Variants in NUP188 observed in about 807,000 individuals in gnomAD.
NUP188 encodes nucleoporin 188.
In NUP188, 97 loss-of-function variants were observed where a neutral mutation model predicts 223.0. The ratio of observed to expected loss-of-function variants is 0.43; its 90% CI spans 0.37 to 0.51. NUP188 has a LOEUF of 0.51. Ranked by LOEUF, NUP188 falls within the 20% of genes least tolerant of loss-of-function variation. The pLI is 0.00. For missense variants in NUP188, 1,947 were observed against 2,175.6 expected (o/e 0.89, Z 2.09); for synonymous variants, 869 against 828.0 (o/e 1.05, Z -0.85).
chr9:129,001,480 C>A (rs1437170000), intron 34 of NUP188, 49 bp from the exon 35 acceptor site: 1 of 1,578,882 alleles, frequency 6.3e-7, no homozygotes. Flanking sequence ...TCGTCCTCTT[C>A]CTCCTCCTCT....
At chr9:128,987,907 C>T in intron 23 of NUP188, 140 bp from the exon 24 acceptor site, 1 of 1,173,374 alleles carries the variant, frequency 8.5e-7, no homozygotes, top group South Asian at 1.4e-5. Context: ...TACTCCTCCT[C>T]TCTCCTAGTT....
intron 28 of NUP188, 30 bp from the exon 29 acceptor site, chr9:128,994,826 T>A (rs774570938): frequency 6.3e-7 from 1 of 1,581,008 alleles, no homozygotes; most frequent in South Asian, 1.1e-5. Flanking sequence ...ATCAGAGATG[T>A]GATAATTGCC....
Position 128,947,751 on chromosome 9 carries a change from G to A in NUP188, c.32G>A (p.Arg11Lys), listed in dbSNP as rs35093814. The part of the protein sequence containing the change: MAAAAGGPCV[R>K]SSRELWTILL... ...GCGGCCGCCGGCGGGCCGTGTGTGA[G>A]GTGCGGAGCGGGTCGAATGGACCGG... Residue 11 changes from arginine to lysine, a missense_variant and splice_region_variant, in exon 1 of 44, where the codon AGG becomes AAG. Coordinates refer to ENST00000372577, the MANE Select transcript of NUP188 (RefSeq NM_015354.3). 8 of 1,463,408 alleles carry A rather than the reference G, an allele frequency of 5.5e-6. No homozygotes were observed. Among genetic ancestry groups the A allele is most frequent in the African/African-American group, 1.5e-5 (1 of 68,768 alleles). 90.7% of individuals were successfully genotyped at this position (1,463,408 alleles called of 1,614,324 possible).
intron 19 of NUP188, among the ~76,000 whole-genome samples, chr9:128,983,753 C>T (rs1040033638): frequency 2.6e-5 from 4 of 152,098 alleles, no homozygotes; most frequent in Non-Finnish European, 5.9e-5. Flanking sequence ...TTTCAGCCTC[C>T]CGAGTAGCTG....
chr9:128,969,030 C>T (rs1353245394), intron 9 of NUP188, among the ~76,000 whole-genome samples: 2 of 152,184 alleles, frequency 1.3e-5, no homozygotes, highest in Non-Finnish European at 2.9e-5. Flanking sequence ...ATAAATAAGG[C>T]ATATATGCTT....
At chr9:128,947,797 T>A in intron 1 of NUP188, 46 bp downstream of exon 1, 1 of 1,350,832 alleles carries the variant, frequency 7.4e-7, no homozygotes, top group Non-Finnish European at 9.5e-7. Flanking sequence ...AAGCGCGGTG[T>A]CAAAGCCGAG....
chr9:128,986,754 G>GAT, intron 21 of NUP188, 55 bp from the exon 22 acceptor site: 1 of 1,613,210 alleles, frequency 6.2e-7, no homozygotes, highest in Non-Finnish European at 8.5e-7. Flanking sequence ...CCTTTCTTGA[G>GAT]ATAAGGGGTC....
intron 25 of NUP188, chr9:128,992,993 T>C: frequency 5.2e-6 from 3 of 578,598 alleles, no homozygotes; most frequent in Non-Finnish European, 6.2e-6. Flanking sequence ...GTTGAGCATT[T>C]CTTTATACTG....
At position 128,993,311 on chromosome 9, in the gene NUP188, C is replaced by CT. The variant is rs1842462331; in HGVS notation, c.2756dup (p.Glu920ArgfsTer23). The stretch of plus-strand genomic sequence containing the variant: ...GGACATGCGCATCAAAGTCATGATT[C>CT]TAGAGTTCCTCACTGTTGCAGTAGA... On this transcript the variant is annotated frameshift_variant, in exon 26 of 44. Coordinates refer to ENST00000372577, the MANE Select transcript of NUP188 (RefSeq NM_015354.3). LOFTEE classifies it high-confidence loss of function. 6.2e-7 allele frequency: 1 copy of CT among 1,614,060 alleles called. No individual in the cohort carries two copies. Among genetic ancestry groups the CT allele is most frequent in the African/African-American group, 1.3e-5 (1 of 74,934 alleles).
intron 32 of NUP188, among the ~76,000 whole-genome samples, chr9:128,998,918 G>A (rs150638270): frequency 0.019 from 2,852 of 149,370 alleles, 76 homozygotes; most frequent in African/African-American, 0.061. Flanking sequence ...GTGCAGTGGC[G>A]CGATCTCGGC....
chr9:128,951,145 C>G (rs1451240860), intron 2 of NUP188, among the ~76,000 whole-genome samples: 1 of 151,952 alleles, frequency 6.6e-6, no homozygotes, highest in Non-Finnish European at 1.5e-5. Context: ...CCCGTCTCTA[C>G]TAAAAATACA....
chr9:128,953,105 C>G (rs1043562227), intron 3 of NUP188, among the ~76,000 whole-genome samples: 1 of 152,062 alleles, frequency 6.6e-6, no homozygotes, highest in Non-Finnish European at 1.5e-5. Flanking sequence ...AAACATTCAA[C>G]GAATTTTCTA....
At chr9:128,997,305 T>G (rs1842545096) in intron 30 of NUP188, among the ~76,000 whole-genome samples, 1 of 152,176 alleles carries the variant, frequency 6.6e-6, no homozygotes, top group South Asian at 2.1e-4. Flanking sequence ...CTACATCAGT[T>G]GGACCAGATC....
At position 128,999,618 on chromosome 9, in the gene NUP188, C is replaced by G. The variant is rs868523751; in HGVS notation, c.3662-6C>G. On this transcript the variant is annotated splice_region_variant and splice_polypyrimidine_tract_variant and intron_variant, in intron 33 of 43. Coordinates refer to ENST00000372577, the MANE Select transcript of NUP188 (RefSeq NM_015354.3). ...ATGACAGTGTCCCTCCCTGTCTATT[C>G]TACAGTAAGTGACATCCCCCAGTAC... The G allele has an allele frequency of 9.3e-6, 15 of 1,612,930 alleles. No homozygotes were observed. The highest frequency in any genetic ancestry group is 1.6e-4 in the Middle Eastern group (1 of 6,084).
At chr9:128,983,102 T>C (rs1842280378) in intron 17 of NUP188, 74 bp downstream of exon 17, 8 of 1,581,338 alleles carry the variant, frequency 5.1e-6, no homozygotes, top group Non-Finnish European at 6.9e-6. Flanking sequence ...TGCAGGAACC[T>C]GGACACATAC....
chr9:128,993,604 G>A lies in NUP188; in HGVS notation c.2927G>A (p.Cys976Tyr), dbSNP rs1180416325. The change falls in exon 27 of 44, where the codon TGC becomes TAC. Residue 976 changes from cysteine (C) to tyrosine (Y), a missense_variant. Around this residue, in one of 3 missense-constraint regions of NUP188, gnomAD observed 905 missense variants for 990.6 expected, o/e 0.91. Transcript: ENST00000372577. ...TCCCAACAGCAAGATCGATACTGGTGCCCACCCCTGCTGCATCGTGCCGCC... is the reference window on the plus strand; with the variant it reads ...TCCCAACAGCAAGATCGATACTGGTACCCACCCCTGCTGCATCGTGCCGCC... ...IDSQQQDRYW[C>Y]PPLLHRAAIA... 6.2e-7 allele frequency: 1 copy of A among 1,614,166 alleles called. No homozygotes were observed. The highest frequency in any genetic ancestry group is 1.3e-5 in the African/African-American group (1 of 75,030).
intron 12 of NUP188, among the ~76,000 whole-genome samples, chr9:128,975,387 C>CT (rs898524577): frequency 3.3e-5 from 5 of 151,418 alleles, no homozygotes; most frequent in East Asian, 1.9e-4. Context: ...CCATGCCTGG[C>CT]TTTTTTTTGT....
intron 11 of NUP188, among the ~76,000 whole-genome samples, chr9:128,972,183 A>G (rs1323261453): frequency 6.6e-6 from 1 of 152,240 alleles, no homozygotes; most frequent in African/African-American, 2.4e-5. Flanking sequence ...CGTAATTACT[A>G]AAACTCGAAA....
rs370296162 is a variant in NUP188 at position 128,995,428 on chromosome 9, A to G, written c.3265A>G (p.Thr1089Ala). The G allele has an allele frequency of 6.8e-6, 11 of 1,613,812 alleles. No individual in the cohort carries two copies. The highest frequency in any genetic ancestry group is 1.6e-4 in the Middle Eastern group (1 of 6,082). Reference sequence around the variant, plus strand: ...GTCATTGGCAGTTCACGTGGCCGAAACAGAAGGCAGCAGCTGCACCTCCTT... The same window carrying G: ...GTCATTGGCAGTTCACGTGGCCGAAGCAGAAGGCAGCAGCTGCACCTCCTT... ...VKSLAVHVAE[T>A]EGSSCTSLLE... The change falls in exon 30 of 44, where the codon ACA (threonine) becomes GCA (alanine). Residue 1089 changes from threonine to alanine, a missense_variant. Around this residue, in one of 3 missense-constraint regions of NUP188, gnomAD observed 905 missense variants for 990.6 expected, o/e 0.91. Transcript: ENST00000372577.
Sources: gnomAD v4.1 joint callset for allele counts (sites outside exome capture counted in the v4.1 genomes callset) on GRCh38, gnomAD v4.1.1 for gene constraint, gnomAD v4.1.1 regional missense constraint, MANE v1.5 for transcripts, NCBI Gene and HGNC (gene_info 2026-07-23, HGNC 2026-07-21) for gene names.